Variants in PARG observed in about 807,000 individuals in gnomAD.
PARG encodes poly(ADP-ribose) glycohydrolase, also known as mitochondrial poly(ADP-ribose) glycohydrolase.
In PARG, 35 loss-of-function variants were observed where a neutral mutation model predicts 113.0. That is an observed-to-expected ratio of 0.31 (90% CI 0.24 to 0.41). PARG has a LOEUF of 0.41. Among genes scored for constraint, PARG ranks in the 10% least tolerant of loss-of-function variants. PARG has a pLI of 1.00. For synonymous variants in PARG, 330 were observed against 409.9 expected (o/e 0.81, Z 2.36); for missense variants, 797 against 1,169.4 (o/e 0.68, Z 4.64).
At chr10:49,936,807 T>C (rs1162847806) in intron 1 of PARG, among the ~76,000 whole-genome samples, 1 of 152,194 alleles carries the variant, frequency 6.6e-6, no homozygotes, top group African/African-American at 2.4e-5. Context: ...TTATTTTTCA[T>C]TGAAATAATG....
chr10:49,866,290 C>G (rs1234925338), intron 10 of PARG, among the ~76,000 whole-genome samples: 2 of 151,724 alleles, frequency 1.3e-5, no homozygotes, highest in African/African-American at 4.8e-5. Flanking sequence ...ATGTCAGGAA[C>G]TATTAGTGAT....
intron 7 of PARG, among the ~76,000 whole-genome samples, chr10:49,905,305 A>G (rs1173111114): frequency 1.3e-5 from 2 of 152,292 alleles, no homozygotes; most frequent in African/African-American, 2.4e-5. Context: ...TAATAAGGAA[A>G]TATATAAAAG....
chr10:49,822,379 T>A (rs1038105263), intron 16 of PARG, among the ~76,000 whole-genome samples: 3 of 152,196 alleles, frequency 2.0e-5, no homozygotes, highest in Non-Finnish European at 4.4e-5. Flanking sequence ...TGGAACTAGA[T>A]TTCTCAAGAA....
At chr10:49,859,556 T>A (rs1403889241) in intron 12 of PARG, among the ~76,000 whole-genome samples, 1 of 152,158 alleles carries the variant, frequency 6.6e-6, no homozygotes, top group Non-Finnish European at 1.5e-5. Context: ...AAAAGTATAA[T>A]GATATTGTGA....
At chr10:49,832,270 A>C (rs1347813533) in intron 16 of PARG, among the ~76,000 whole-genome samples, 1 of 152,202 alleles carries the variant, frequency 6.6e-6, no homozygotes, top group East Asian at 1.9e-4. Flanking sequence ...CTGTGCTCCC[A>C]CAGCCCCATG....
chr10:49,920,463 A>AAAAAAAAT (rs1431747248), intron 6 of PARG, among the ~76,000 whole-genome samples: 1 of 47,988 alleles, frequency 2.1e-5, no homozygotes, highest in South Asian at 7.3e-4. Flanking sequence ...AAAAAAAAAA[A>AAAAAAAAT]ATATATATAT....
intron 13 of PARG, among the ~76,000 whole-genome samples, chr10:49,845,924 C>T (rs1845483634): frequency 6.6e-6 from 1 of 151,298 alleles, no homozygotes; most frequent in Non-Finnish European, 1.5e-5. Flanking sequence ...TTATTGAATG[C>T]AATAAGATTA....
intron 15 of PARG, among the ~76,000 whole-genome samples, chr10:49,838,248 T>A (rs1427108493): frequency 6.6e-6 from 1 of 151,774 alleles, no homozygotes; most frequent in East Asian, 1.9e-4. Context: ...CTGACCAACA[T>A]GGAGAAACCC....
intron 7 of PARG, among the ~76,000 whole-genome samples, chr10:49,903,789 A>C (rs1349327585): frequency 1.3e-5 from 2 of 151,510 alleles, no homozygotes; most frequent in African/African-American, 2.4e-5. Flanking sequence ...TCAAGCAGGA[A>C]AAGTGGCATG....
chr10:49,841,853 A>G (rs1554832347), intron 15 of PARG, 97 bp downstream of exon 15: 3 of 759,706 alleles, frequency 3.9e-6, no homozygotes, highest in Non-Finnish European at 6.7e-6. Context: ...ACATACTGAC[A>G]CTGCAATAAT....
intron 13 of PARG, 120 bp from the exon 14 acceptor site, chr10:49,843,752 C>T: frequency 1.6e-6 from 1 of 634,208 alleles, no homozygotes; most frequent in East Asian, 2.8e-5. Context: ...CCAGCCAGTG[C>T]AATAAGGCAA....
At chr10:49,831,033 A>G (rs1254049176) in intron 16 of PARG, among the ~76,000 whole-genome samples, 2 of 152,114 alleles carry the variant, frequency 1.3e-5, no homozygotes, top group African/African-American at 4.8e-5. Context: ...GTAGATCTAC[A>G]TTTGTTAGAT....
chr10:49,869,902 T>C (rs1554837594), intron 9 of PARG, among the ~76,000 whole-genome samples: 1 of 152,092 alleles, frequency 6.6e-6, no homozygotes, highest in Non-Finnish European at 1.5e-5. Flanking sequence ...TAAAAACATT[T>C]ATAATTCATA....
intron 6 of PARG, among the ~76,000 whole-genome samples, chr10:49,917,488 CAA>C (rs71026277): frequency 6.3e-5 from 3 of 47,656 alleles, no homozygotes; most frequent in Admixed American, 2.0e-4. Context: ...GACTCCGTCT[CAA>C]AAAAAAAAAA....
At chr10:49,869,626 A>G (rs781789349) in intron 9 of PARG, 71 bp from the exon 10 acceptor site, 3 of 673,288 alleles carry the variant, frequency 4.5e-6, no homozygotes, top group South Asian at 3.4e-5. Context: ...AACTACATCC[A>G]TATTGCTACC....
At chr10:49,929,786 G>GTT (rs1838397610) in intron 4 of PARG, among the ~76,000 whole-genome samples, 1 of 148,126 alleles carries the variant, frequency 6.8e-6, no homozygotes, top group African/African-American at 2.5e-5. Context: ...AGATCGTGCT[G>GTT]TTGCACTCCA....
At chr10:49,914,168 T>C (rs1837341851) in intron 7 of PARG, among the ~76,000 whole-genome samples, 1 of 152,226 alleles carries the variant, frequency 6.6e-6, no homozygotes, top group Non-Finnish European at 1.5e-5. Context: ...ACAGAGGTAT[T>C]GTAACCAATG....
Position 49,917,337 on chromosome 10 carries a change from A to C in PARG, c.1663-1346T>G, listed in dbSNP as rs561840418. 1.4e-3 allele frequency among the ~76,000 whole-genome samples: 210 copies of C among 152,022 alleles called. 1 individual carries two copies. Among genetic ancestry groups the C allele is most frequent in the African/African-American group, 4.8e-3 (198 of 41,464 alleles). ...AACCATGTCTCTAATAAAAATACAA[A>C]AATTAGCTGGGTGTGGTGGCATATG... On this transcript the variant is annotated intron_variant, in intron 6 of 17. Transcript: ENST00000616448.
intron 14 of PARG, 114 bp from the exon 15 acceptor site, chr10:49,842,172 C>G: frequency 1.4e-6 from 1 of 699,698 alleles, no homozygotes; most frequent in South Asian, 1.7e-5. Flanking sequence ...TAAAAACAAA[C>G]CAGTGTCTGC....
Sources: allele counts gnomAD v4.1 joint callset (sites outside exome capture counted in the v4.1 genomes callset), GRCh38; gene constraint gnomAD v4.1.1; transcripts MANE v1.5; gene names NCBI Gene and HGNC (gene_info 2026-07-23, HGNC 2026-07-21).